SEL1L: variants seen among roughly 807,000 people sequenced by gnomAD.
The protein encoded by SEL1L is protein sel-1 homolog 1.
A neutral mutation model predicts 109.8 loss-of-function variants in SEL1L; 52 were observed. The ratio of observed to expected loss-of-function variants is 0.47; its 90% CI spans 0.38 to 0.60. The LOEUF is 0.60. SEL1L is among the 20% of genes least tolerant of loss of function. The pLI is 0.00. For missense variants in SEL1L, 749 were observed against 962.2 expected, an observed-to-expected ratio of 0.78 and a Z score of 2.93; for synonymous variants, 373 against 339.6, an observed-to-expected ratio of 1.10 and a Z score of -1.08.
At chr14:81,515,888 G>T (rs1421363545) in intron 3 of SEL1L, among the ~76,000 whole-genome samples, 1 of 152,108 alleles carries the variant, frequency 6.6e-6, no homozygotes, top group Admixed American at 6.5e-5. Flanking sequence ...GGCCAAAAAG[G>T]AAAAGTGAGA....
At chr14:81,496,417 A>C (rs1883752359) in intron 10 of SEL1L, among the ~76,000 whole-genome samples, 1 of 152,152 alleles carries the variant, frequency 6.6e-6, no homozygotes, top group Non-Finnish European at 1.5e-5. Context: ...AAAAAAGGAA[A>C]CTTACTAGAA....
At chr14:81,493,459 G>C (rs1163606677) in intron 11 of SEL1L, among the ~76,000 whole-genome samples, 1 of 152,026 alleles carries the variant, frequency 6.6e-6, no homozygotes, top group Non-Finnish European at 1.5e-5. Context: ...GCAGTGAGCC[G>C]AGACTGCGCC....
rs142667416 is a variant in SEL1L, at chr14:81,518,989, G to A, written c.340+7744C>T. On this transcript the variant is annotated intron_variant, in intron 3 of 20. Coordinates refer to ENST00000336735, the MANE Select transcript of SEL1L (RefSeq NM_005065.6). ...CCCTTGGTTAGCATCTGGAAATTTA[G>A]ATTTCTGGAGAGTTCTCACCATCCT... Among the ~76,000 whole-genome samples the A allele has an allele frequency of 1.7e-3, 264 of 152,286 alleles. 4 individuals are homozygous for A. The highest frequency in any genetic ancestry group is 6.0e-3 in the African/African-American group (248 of 41,546).
rs142587193 is a variant in SEL1L at position 81,524,609 on chromosome 14, C to T, written c.340+2124G>A. Among the ~76,000 whole-genome samples, 1,024 of 152,332 alleles carry T rather than the reference C, an allele frequency of 6.7e-3. 13 individuals are homozygous for T. Among genetic ancestry groups the T allele is most frequent in the African/African-American group, 0.022 (925 of 41,578 alleles). On this transcript the variant is annotated intron_variant, in intron 3 of 20. Transcript: ENST00000336735. ...AGGAGGGGCTGGGTGCGGTGGCTCA[C>T]GCCTGTAATCCCAGCACTGTGGGAG...
At chr14:81,501,453 C>G (rs753467250) in intron 6 of SEL1L, among the ~76,000 whole-genome samples, 1 of 152,090 alleles carries the variant, frequency 6.6e-6, no homozygotes, top group Admixed American at 6.6e-5. Context: ...TTTATATAAA[C>G]TGATTCACGC....
At chr14:81,488,019 A>C (rs1255025502) in intron 14 of SEL1L, 77 bp from the exon 15 acceptor site, 35 of 1,138,462 alleles carry the variant, frequency 3.1e-5, no homozygotes, top group Non-Finnish European at 4.3e-5. Context: ...TATTTAAAAA[A>C]ATGAACAAAG....
intron 11 of SEL1L, among the ~76,000 whole-genome samples, chr14:81,494,440 T>C (rs1200123778): frequency 1.3e-5 from 2 of 152,192 alleles, no homozygotes. Flanking sequence ...GCCAAAGCCA[T>C]TGTTTTCAAA....
intron 3 of SEL1L, among the ~76,000 whole-genome samples, chr14:81,524,296 T>A (rs1885030019): frequency 6.6e-6 from 1 of 152,200 alleles, no homozygotes; most frequent in African/African-American, 2.4e-5. Flanking sequence ...CGCTAATTAA[T>A]CTTAACATCA....
intron 3 of SEL1L, among the ~76,000 whole-genome samples, chr14:81,517,620 G>A (rs1425181338): frequency 6.6e-6 from 1 of 152,072 alleles, no homozygotes; most frequent in East Asian, 1.9e-4. Context: ...CTAGGAGGCT[G>A]AGTAAACTGC....
At chr14:81,532,619 A>C (rs1345105559) in intron 1 of SEL1L, among the ~76,000 whole-genome samples, 1 of 152,194 alleles carries the variant, frequency 6.6e-6, no homozygotes, top group Admixed American at 6.5e-5. Flanking sequence ...ATTTAGGTTT[A>C]AGCCTCTTAT....
chr14:81,519,627 T>C (rs1407012934), intron 3 of SEL1L, among the ~76,000 whole-genome samples: 2 of 152,186 alleles, frequency 1.3e-5, no homozygotes, highest in African/African-American at 4.8e-5. Flanking sequence ...CAGGAAGTAG[T>C]CTCAGTCTGG....
chr14:81,525,147 G>T (rs972580653), intron 3 of SEL1L, among the ~76,000 whole-genome samples: 1 of 152,202 alleles, frequency 6.6e-6, no homozygotes, highest in South Asian at 2.1e-4. Flanking sequence ...AAGGGCAAAT[G>T]TGTGTAGGGT....
Position 81,513,760 on chromosome 14 carries a change from C to T in SEL1L, c.341-7519G>A, listed in dbSNP as rs550758116. Among the ~76,000 whole-genome samples, 12 of 152,236 alleles carry T rather than the reference C, an allele frequency of 7.9e-5. 1 individual carries two copies. The South Asian group carries it at 1.2e-3, about 16-fold the overall frequency. ...CTGGGAAAGAGCTCTCTAACCACCC[C>T]CAACTCTTCGGAATTGGGAGCGTTG... On this transcript the variant is annotated intron_variant, in intron 3 of 20. Coordinates refer to ENST00000336735, the MANE Select transcript of SEL1L (RefSeq NM_005065.6).
chr14:81,507,299 C>T (rs1319080106), intron 3 of SEL1L, among the ~76,000 whole-genome samples: 2 of 152,008 alleles, frequency 1.3e-5, no homozygotes, highest in African/African-American at 4.8e-5. Flanking sequence ...GCAAGGTGAC[C>T]AGTTTAAAGG....
At chr14:81,483,940 T>C (rs1205744864) in intron 19 of SEL1L, among the ~76,000 whole-genome samples, 2 of 152,232 alleles carry the variant, frequency 1.3e-5, no homozygotes, top group Non-Finnish European at 2.9e-5. Flanking sequence ...GATGGACAGA[T>C]AGTTTCTCAA....
chr14:81,516,508 A>T (rs1413573302), intron 3 of SEL1L, among the ~76,000 whole-genome samples: 2 of 152,144 alleles, frequency 1.3e-5, no homozygotes, highest in Non-Finnish European at 2.9e-5. Context: ...GGAACAAGTT[A>T]CCCATTTGTT....
rs189555261 is a variant in SEL1L, at chr14:81,502,192, G to A, written c.777+529C>T. The stretch of plus-strand genomic sequence containing the variant: ...GATATCTCATTTTAATAAAAATATC[G>A]TGTATATATACACAAAGAGAAAGAT... On this transcript the variant is annotated intron_variant, in intron 6 of 20. Transcript: ENST00000336735. Among the ~76,000 whole-genome samples the A allele has an allele frequency of 4.0e-3, 609 of 152,084 alleles. 3 individuals are homozygous for A. The highest frequency in any genetic ancestry group is 6.7e-3 in the Non-Finnish European group (454 of 67,970).
intron 3 of SEL1L, among the ~76,000 whole-genome samples, chr14:81,524,109 A>G (rs1885023456): frequency 6.6e-6 from 1 of 152,172 alleles, no homozygotes; most frequent in Non-Finnish European, 1.5e-5. Context: ...AAAATTCTTT[A>G]TAAAAGAATC....
chr14:81,502,635 A>G (rs890323366), intron 6 of SEL1L, 86 bp downstream of exon 6: 7 of 1,320,640 alleles, frequency 5.3e-6, no homozygotes, highest in African/African-American at 1.5e-5. Flanking sequence ...TGACTTTTTA[A>G]AAGAAGTCAG....
Sources: gnomAD v4.1 joint callset for allele counts (sites outside exome capture counted in the v4.1 genomes callset) on GRCh38, gnomAD v4.1.1 for gene constraint, MANE v1.5 for transcripts, NCBI Gene and HGNC (gene_info 2026-07-23, HGNC 2026-07-21) for gene names.